SERINC5: variants seen among roughly 807,000 people sequenced by gnomAD.
The protein encoded by SERINC5 is serine incorporator 5.
A neutral mutation model predicts 63.1 loss-of-function variants in SERINC5; 41 were observed. That is an observed-to-expected ratio of 0.65 (90% confidence interval 0.51 to 0.84). The LOEUF (loss-of-function observed/expected upper bound fraction) is 0.84. Among genes scored for constraint, SERINC5 ranks in the 40% least tolerant of loss-of-function variants. The pLI, the probability that SERINC5 is intolerant of heterozygous loss-of-function variation, is 0.00. For missense variants in SERINC5, 523 were observed against 573.0 expected, an observed-to-expected ratio of 0.91 and a Z score of 0.89; for synonymous variants, 222 against 215.2, an observed-to-expected ratio of 1.03 and a Z score of -0.28.
At position 80,178,026 on chromosome 5, in the gene SERINC5, A is replaced by G. The variant is rs763977478; in HGVS notation, c.234T>C (p.Ala78=). The G allele has an allele frequency of 5.8e-5, 93 of 1,611,876 alleles. No individual in the cohort carries two copies. The highest frequency in any genetic ancestry group is 7.7e-5 in the Non-Finnish European group (91 of 1,179,186). ...FFEDMCKGIK[A]GDTCEKLVGY... The stretch of plus-strand genomic sequence containing the variant: ...CCACCAGCTTCTCACAGGTGTCACC[A>G]GCTTTAATGCCTTTACACATATCTT... The change falls in exon 3 of 12, where the codon GCT becomes GCC. Residue 78 remains alanine (A), a synonymous_variant. Transcript: ENST00000507668.
chr5:80,187,027 G>A (rs1324121085), intron 2 of SERINC5, among the ~76,000 whole-genome samples: 1 of 152,014 alleles, frequency 6.6e-6, no homozygotes, highest in Non-Finnish European at 1.5e-5. Context: ...TTAGCCAGGC[G>A]TGGTGGCACA....
chr5:80,162,468 G>C (rs896064902), intron 7 of SERINC5, among the ~76,000 whole-genome samples: 5 of 152,066 alleles, frequency 3.3e-5, no homozygotes, highest in Admixed American at 6.6e-5. Flanking sequence ...CAAGCTCCTG[G>C]GCTCAGGTGA....
chr5:80,132,142 C>A (rs905988927), intron 11 of SERINC5, among the ~76,000 whole-genome samples: 1 of 152,156 alleles, frequency 6.6e-6, no homozygotes, highest in African/African-American at 2.4e-5. Flanking sequence ...TTTTCACCCC[C>A]AAACCATGAG....
At position 80,147,300 on chromosome 5, in the gene SERINC5, C is replaced by T; in HGVS notation, c.1054-16G>A. On this transcript the variant is annotated splice_polypyrimidine_tract_variant and intron_variant, in intron 9 of 11. Transcript: ENST00000507668. The stretch of plus-strand genomic sequence containing the variant: ...AGCGAGCTATCTGTGAAAGCAAAAG[C>T]AACAGTCAGGCGGCTTGTGTTCTAT... The T allele has an allele frequency of 6.2e-7, 1 of 1,604,692 alleles. No homozygotes were observed. Among genetic ancestry groups the T allele is most frequent in the Non-Finnish European group, 8.5e-7 (1 of 1,175,976 alleles).
intron 1 of SERINC5, among the ~76,000 whole-genome samples, chr5:80,239,818 T>C (rs1007548400): frequency 4.6e-5 from 7 of 152,140 alleles, no homozygotes; most frequent in Non-Finnish European, 1.5e-5. Flanking sequence ...CCTTCAAAGA[T>C]AGGAAGTTCC....
At chr5:80,242,716 C>A (rs1425678062) in intron 1 of SERINC5, among the ~76,000 whole-genome samples, 1 of 152,022 alleles carries the variant, frequency 6.6e-6, no homozygotes, top group Non-Finnish European at 1.5e-5. Context: ...CACCACTGCA[C>A]TCCAACCTGG....
chr5:80,132,813 A>G (rs1394638078), intron 11 of SERINC5, among the ~76,000 whole-genome samples: 1 of 152,168 alleles, frequency 6.6e-6, no homozygotes. Context: ...GGGGACTGGA[A>G]TAAAAATTGG....
rs528282307 is a variant in SERINC5, at chr5:80,234,384, A to G, written c.27+21512T>C. ...CATTTACATATGTAAATTGTAGACA[A>G]TGTTGATAAAAATAAATTACACCAC... On this transcript the variant is annotated intron_variant, in intron 1 of 11. Coordinates refer to ENST00000507668, the MANE Select transcript of SERINC5 (RefSeq NM_001174072.3). Among the ~76,000 whole-genome samples, 2 of 152,300 alleles carry G rather than the reference A, an allele frequency of 1.3e-5. 1 individual carries two copies. The highest frequency in any genetic ancestry group is 3.9e-4 in the East Asian group (2 of 5,182).
At chr5:80,135,868 GGAA>G (rs1422314156), downstream of SERINC5, among the ~76,000 whole-genome samples, 1 of 151,162 alleles carries the variant, frequency 6.6e-6, no homozygotes, top group Non-Finnish European at 1.5e-5. Flanking sequence ...TATCTATGTG[GGAA>G]GAAGCAGAGG....
intron 2 of SERINC5, among the ~76,000 whole-genome samples, chr5:80,179,613 G>C (rs1306476284): frequency 6.6e-6 from 1 of 152,158 alleles, no homozygotes; most frequent in African/African-American, 2.4e-5. Flanking sequence ...TAGTCAGGTT[G>C]AATGTCCCTT....
intron 2 of SERINC5, among the ~76,000 whole-genome samples, chr5:80,193,339 G>A (rs1046669995): frequency 6.6e-6 from 1 of 152,068 alleles, no homozygotes; most frequent in African/African-American, 2.4e-5. Flanking sequence ...GTTTATGATG[G>A]CTGACAATGC....
At chr5:80,185,203 G>A (rs567953633) in intron 2 of SERINC5, among the ~76,000 whole-genome samples, 1 of 152,120 alleles carries the variant, frequency 6.6e-6, no homozygotes, top group South Asian at 2.1e-4. Flanking sequence ...AGACCCCTGA[G>A]AACAAGGCGT....
rs184788818 is a variant in SERINC5, at chr5:80,232,273, A to G, written c.27+23623T>C. 8.8e-3 allele frequency among the ~76,000 whole-genome samples: 1,332 copies of G among 151,670 alleles called. 7 individuals carry two copies. The highest frequency in any genetic ancestry group is 0.01 in the Admixed American group (159 of 15,230). ...CAAAAAAAAAGCCGGGCGTGGTGGCAGGCCCCTGTAGTCCCAGCTACTCGG... is the reference window on the plus strand; with the variant it reads ...CAAAAAAAAAGCCGGGCGTGGTGGCGGGCCCCTGTAGTCCCAGCTACTCGG... On this transcript the variant is annotated intron_variant, in intron 1 of 11. Coordinates refer to ENST00000507668, the MANE Select transcript of SERINC5 (RefSeq NM_001174072.3).
At chr5:80,233,805 C>CTTTTTTTTTT (rs373920343) in intron 1 of SERINC5, among the ~76,000 whole-genome samples, 10 of 69,950 alleles carry the variant, frequency 1.4e-4, no homozygotes, top group Admixed American at 1.9e-4. Flanking sequence ...TCAACTTTTA[C>CTTTTTTTTTT]TTTTTTTTTT....
At chr5:80,244,619 G>C (rs1474172493) in intron 1 of SERINC5, among the ~76,000 whole-genome samples, 8 of 151,594 alleles carry the variant, frequency 5.3e-5, no homozygotes, top group African/African-American at 1.7e-4. Context: ...TCAGGAGTTC[G>C]AGATCAGCCT....
At chr5:80,160,970 ATATGTATATATGTGTG>A (rs1746852643) in intron 7 of SERINC5, among the ~76,000 whole-genome samples, 1 of 149,424 alleles carries the variant, frequency 6.7e-6, no homozygotes, top group African/African-American at 2.5e-5. Flanking sequence ...GTGTGTATAT[ATATGTATATATGTGTG>A]TATATGTATA....
intron 6 of SERINC5, among the ~76,000 whole-genome samples, chr5:80,168,322 G>A (rs992100902): frequency 2.0e-5 from 3 of 151,814 alleles, no homozygotes; most frequent in East Asian, 1.9e-4. Context: ...TCAGCCTCCC[G>A]GGTAGCTGGG....
intron 5 of SERINC5, among the ~76,000 whole-genome samples, chr5:80,171,158 C>T (rs1580105691): frequency 6.6e-6 from 1 of 151,940 alleles, no homozygotes; most frequent in East Asian, 1.9e-4. Flanking sequence ...TACAGGTATC[C>T]ACCACCATGC....
At chr5:80,236,839 TTTC>T (rs1384407509) in intron 1 of SERINC5, among the ~76,000 whole-genome samples, 1 of 150,976 alleles carries the variant, frequency 6.6e-6, no homozygotes, top group Non-Finnish European at 1.5e-5. Flanking sequence ...GTGTTTCTTT[TTTC>T]TTTTCTTTTC....
Sources: allele counts gnomAD v4.1 joint callset (sites outside exome capture counted in the v4.1 genomes callset), GRCh38; gene constraint gnomAD v4.1.1; transcripts MANE v1.5; gene names NCBI Gene and HGNC (gene_info 2026-07-23, HGNC 2026-07-21).